The following PTPRM variants were observed in gnomAD, a reference collection of about 807,000 sequenced individuals.
PTPRM encodes protein tyrosine phosphatase receptor type M.
PTPRM carries 47 observed loss-of-function variants against 186.7 expected under a neutral mutation model. The observed-to-expected ratio is 0.25, with a 90% CI of 0.20 to 0.32. PTPRM has a LOEUF of 0.32. Among genes scored for constraint, PTPRM ranks in the 10% least tolerant of loss-of-function variants. PTPRM has a pLI of 1.00. For missense variants in PTPRM, 1,494 were observed against 1,865.0 expected, an observed-to-expected ratio of 0.80 and a Z score of 3.66; for synonymous variants, 668 against 674.9, an observed-to-expected ratio of 0.99 and a Z score of 0.16.
chr18:7,804,140 C>T (rs2044114468), intron 2 of PTPRM, among the ~76,000 whole-genome samples: 1 of 152,152 alleles, frequency 6.6e-6, no homozygotes, highest in South Asian at 2.1e-4. Context: ...TTGCTGCTCT[C>T]CTCTGCATTG....
chr18:7,955,887 G>A (rs762214257), intron 7 of PTPRM, among the ~76,000 whole-genome samples: 35 of 152,142 alleles, frequency 2.3e-4, no homozygotes, highest in Admixed American at 3.9e-4. Context: ...GTCTGCTGGC[G>A]AATGACTTGG....
At chr18:8,064,756 T>C (rs760440147) in intron 7 of PTPRM, among the ~76,000 whole-genome samples, 26 of 152,348 alleles carry the variant, frequency 1.7e-4, no homozygotes, top group Middle Eastern at 3.4e-3. Context: ...AGCCTTTAAC[T>C]ACTTCACCTA....
At chr18:8,346,565 A>G (rs2095506215) in intron 23 of PTPRM, among the ~76,000 whole-genome samples, 1 of 152,068 alleles carries the variant, frequency 6.6e-6, no homozygotes, top group Non-Finnish European at 1.5e-5. Context: ...TCACCATTTG[A>G]GTTTTGGGGG....
At chr18:8,005,115 C>T (rs1369290285) in intron 7 of PTPRM, among the ~76,000 whole-genome samples, 1 of 152,118 alleles carries the variant, frequency 6.6e-6, no homozygotes, top group Non-Finnish European at 1.5e-5. Context: ...AAAGAATGGT[C>T]CTTTGGGCAT....
chr18:8,064,641 A>C (rs1027352367), intron 7 of PTPRM, among the ~76,000 whole-genome samples: 5 of 152,226 alleles, frequency 3.3e-5, no homozygotes, highest in African/African-American at 7.2e-5. Context: ...TCACCAGTAC[A>C]TAGATGCCTG....
At chr18:8,057,425 CTTTT>C (rs763829289) in intron 7 of PTPRM, among the ~76,000 whole-genome samples, 1,265 of 102,528 alleles carry the variant, frequency 0.012, 15 homozygotes, top group African/African-American at 0.052. Flanking sequence ...TGTGATACTT[CTTTT>C]TTTTTTTTTT....
intron 1 of PTPRM, among the ~76,000 whole-genome samples, chr18:7,656,638 A>G (rs1225097641): frequency 6.6e-6 from 1 of 152,244 alleles, no homozygotes; most frequent in East Asian, 1.9e-4. Flanking sequence ...AGAGGGATAT[A>G]AGGTAGAACA....
intron 1 of PTPRM, among the ~76,000 whole-genome samples, chr18:7,614,047 A>G (rs1227657561): frequency 6.6e-6 from 1 of 152,202 alleles, no homozygotes; most frequent in Non-Finnish European, 1.5e-5. Context: ...GGGTCTGCCG[A>G]TGGTGCATAC....
chr18:8,226,626 C>CCT (rs1217745700), intron 14 of PTPRM, among the ~76,000 whole-genome samples: 1 of 152,134 alleles, frequency 6.6e-6, no homozygotes. Context: ...CACAGAAATG[C>CCT]CTGTAGGAAA....
intron 1 of PTPRM, among the ~76,000 whole-genome samples, chr18:7,724,891 A>G (rs999923621): frequency 7.9e-5 from 12 of 152,186 alleles, no homozygotes; most frequent in African/African-American, 2.9e-4. Flanking sequence ...TTGTATTACA[A>G]TGTTCAGGCT....
Position 8,299,534 on chromosome 18 carries a change from C to G in PTPRM, c.2842+3079C>G, listed in dbSNP as rs183709756. On this transcript the variant is annotated intron_variant, in intron 20 of 32. Transcript: ENST00000580170. ...CCTGGGAGATGGAGGTTGCAGTGAG[C>G]CGATCATGCCACTGCACTCCAGCCT... Among the ~76,000 whole-genome samples, 107 of 151,462 alleles carry G rather than the reference C, an allele frequency of 7.1e-4. 1 individual carries two copies. The South Asian group carries it at 0.012, about 16-fold the overall frequency.
intron 14 of PTPRM, among the ~76,000 whole-genome samples, chr18:8,210,313 A>G (rs1236378396): frequency 6.6e-6 from 1 of 152,186 alleles, no homozygotes; most frequent in Non-Finnish European, 1.5e-5. Context: ...TCTGCCTCAA[A>G]AAAAGGGGTT....
chr18:7,970,901 T>A (rs1257245958), intron 7 of PTPRM, among the ~76,000 whole-genome samples: 1 of 112,716 alleles, frequency 8.9e-6, no homozygotes, highest in East Asian at 2.2e-4. Context: ...AATTTACAGA[T>A]TCAATGCCAT....
intron 7 of PTPRM, among the ~76,000 whole-genome samples, chr18:8,000,166 C>T (rs1366865539): frequency 6.6e-6 from 1 of 152,168 alleles, no homozygotes; most frequent in Non-Finnish European, 1.5e-5. Context: ...CACCCAGAAA[C>T]ACCCTCACCA....
chr18:8,256,553 G>A (rs2094576455), intron 19 of PTPRM, among the ~76,000 whole-genome samples: 1 of 152,168 alleles, frequency 6.6e-6, no homozygotes, highest in Non-Finnish European at 1.5e-5. Flanking sequence ...TCTTTATAGG[G>A]AAACTTCGTT....
intron 1 of PTPRM, among the ~76,000 whole-genome samples, chr18:7,626,324 G>T (rs780680270): frequency 6.6e-6 from 1 of 152,196 alleles, no homozygotes; most frequent in Non-Finnish European, 1.5e-5. Flanking sequence ...ATTTAAAAGG[G>T]TTTAATGATC....
intron 23 of PTPRM, among the ~76,000 whole-genome samples, chr18:8,348,427 T>G (rs1367221922): frequency 6.6e-6 from 1 of 152,230 alleles, no homozygotes; most frequent in Non-Finnish European, 1.5e-5. Context: ...TATCTAAGAC[T>G]TCCTTGTCAC....
At chr18:8,332,840 C>T (rs1441442078) in intron 22 of PTPRM, among the ~76,000 whole-genome samples, 1 of 152,228 alleles carries the variant, frequency 6.6e-6, no homozygotes, top group Admixed American at 6.5e-5. Context: ...TTTAAGTCAT[C>T]ACTTTCAACA....
chr18:7,750,518 G>A (rs920556824), intron 1 of PTPRM, among the ~76,000 whole-genome samples: 6 of 152,162 alleles, frequency 3.9e-5, no homozygotes, highest in African/African-American at 1.4e-4. Context: ...CAGCTGTTCA[G>A]AATGACTTTT....
Sources: gnomAD v4.1 joint callset for allele counts (sites outside exome capture counted in the v4.1 genomes callset) on GRCh38, gnomAD v4.1.1 for gene constraint, MANE v1.5 for transcripts, NCBI Gene and HGNC (gene_info 2026-07-23, HGNC 2026-07-21) for gene names.